Variants in RTEL1 observed in about 807,000 individuals in gnomAD.
The protein encoded by RTEL1 is regulator of telomere elongation helicase 1.
A neutral mutation model predicts 162.2 loss-of-function variants in RTEL1; 86 were observed. That is an observed-to-expected ratio of 0.53 (90% CI 0.45 to 0.63). RTEL1 has a LOEUF of 0.63. Ranked by LOEUF, RTEL1 falls within the 30% of genes least tolerant of loss-of-function variation. RTEL1 has a pLI of 0.00. For synonymous variants in RTEL1, 958 were observed against 717.9 expected (o/e 1.33, Z -5.35); for missense variants, 1,941 against 1,750.2 (o/e 1.11, Z -1.95).
chr20:63,695,228 C>T lies in RTEL1; in HGVS notation c.3499+7C>T, dbSNP rs1228292168. The T allele has an allele frequency of 1.1e-5, 17 of 1,609,774 alleles. No homozygotes were observed. The highest frequency in any genetic ancestry group is 2.2e-5 in the East Asian group (1 of 44,824). Reference sequence around the variant, plus strand: ...CACAGGGCTCCCCAACCAGGTAGGGCACCTGCCTGGCTGCTCCTGGCAGCG... The same window carrying T: ...CACAGGGCTCCCCAACCAGGTAGGGTACCTGCCTGGCTGCTCCTGGCAGCG... On this transcript the variant is annotated splice_region_variant and intron_variant, in intron 33 of 34. Transcript: ENST00000360203.
At position 63,689,567 on chromosome 20, in the gene RTEL1, C is replaced by T. The variant is rs1185104778; in HGVS notation, c.1944C>T (p.Tyr648=). Residue 648 remains tyrosine (Y), a synonymous_variant, in exon 23 of 35, where the codon TAC becomes TAT. Coordinates refer to ENST00000360203, the MANE Select transcript of RTEL1 (RefSeq NM_001283009.2). ...GRGVIVTGLP[Y]PPRMDPRVVL... is the part of the protein sequence containing the mutation. ...GTGTGATTGTCACGGGCCTCCCGTACCCCCCACGCATGGACCCCCGGGTTG... is the reference window on the plus strand; with the variant it reads ...GTGTGATTGTCACGGGCCTCCCGTATCCCCCACGCATGGACCCCCGGGTTG... 5 of 1,611,638 alleles carry T rather than the reference C, an allele frequency of 3.1e-6. No individual in the cohort carries two copies. Among genetic ancestry groups the T allele is most frequent in the African/African-American group, 1.3e-5 (1 of 74,896 alleles).
chr20:63,695,655 G>A lies in RTEL1; in HGVS notation c.3822+5G>A. 6.2e-7 allele frequency: 1 copy of A among 1,611,138 alleles called. No homozygotes were observed. The highest frequency in any genetic ancestry group is 8.5e-7 in the Non-Finnish European group (1 of 1,179,810). On this transcript the variant is annotated splice_donor_5th_base_variant and intron_variant, in intron 34 of 34. Transcript: ENST00000360203. Reference sequence around the variant, plus strand: ...TGCTGGCAACGGCACCTTCAGGTTGGTGCCTGGCCACTACAGTTCCTGCTG... The same window carrying A: ...TGCTGGCAACGGCACCTTCAGGTTGATGCCTGGCCACTACAGTTCCTGCTG...
intron 30 of RTEL1, 147 bp downstream of exon 30, chr20:63,693,430 C>CCACCACCAG (rs1180990015): frequency 7.8e-6 from 7 of 894,598 alleles, no homozygotes; most frequent in Non-Finnish European, 1.2e-5. Flanking sequence ...GCCTCCACCT[C>CCACCACCAG]CACCACCAGC....
chr20:63,685,322 G>A (rs1343309258), intron 14 of RTEL1, among the ~76,000 whole-genome samples: 2 of 152,196 alleles, frequency 1.3e-5, no homozygotes, highest in Non-Finnish European at 2.9e-5. Context: ...GGAACACAGA[G>A]CTCACCGGGG....
At chr20:63,686,491 G>C (rs190016639) in intron 16 of RTEL1, 2 of 152,756 alleles carry the variant, frequency 1.3e-5, no homozygotes, top group East Asian at 1.9e-4. Context: ...GGGGCTTCAC[G>C]GCTGCAGCTG....
chr20:63,694,078 A>C (rs1406740859), intron 30 of RTEL1, among the ~76,000 whole-genome samples: 1 of 151,710 alleles, frequency 6.6e-6, no homozygotes. Flanking sequence ...TGTTGGGACG[A>C]CCCCAGATCC....
chr20:63,674,252 CTG>C, intron 10 of RTEL1, among the ~76,000 whole-genome samples, 159 bp downstream of exon 10: 1 of 151,980 alleles, frequency 6.6e-6, no homozygotes. Flanking sequence ...TGCCCTGTGG[CTG>C]TGTGTGGTCG....
chr20:63,694,315 C>T (rs760383695), intron 30 of RTEL1, 57 bp from the exon 31 acceptor site: 4 of 1,225,472 alleles, frequency 3.3e-6, no homozygotes, highest in Non-Finnish European at 4.8e-6. Flanking sequence ...CCCCCCCACC[C>T]CAGGGAACTT....
chr20:63,684,416 C>T (rs1384264926), intron 14 of RTEL1, among the ~76,000 whole-genome samples: 8 of 152,222 alleles, frequency 5.3e-5, no homozygotes, highest in African/African-American at 9.6e-5. Context: ...TGCAGTGGCG[C>T]GATCTCGGCT....
intron 30 of RTEL1, among the ~76,000 whole-genome samples, chr20:63,694,161 G>A (rs928667257): frequency 6.6e-6 from 1 of 152,084 alleles, no homozygotes; most frequent in Non-Finnish European, 1.5e-5. Flanking sequence ...CCTGAGTGGG[G>A]CTTTGGCCTG....
Position 63,695,595 on chromosome 20 carries a change from A to C in RTEL1, c.3767A>C (p.Gln1256Pro). The C allele has an allele frequency of 1.2e-6, 2 of 1,612,036 alleles. No individual in the cohort carries two copies. The highest frequency in any genetic ancestry group is 1.7e-6 in the Non-Finnish European group (2 of 1,179,884). The change falls in exon 34 of 35, where the codon CAG becomes CCG. Residue 1256 changes from glutamine (Q) to proline (P), a missense_variant. Gln to Pro is a moderately conservative substitution (Grantham distance 76, BLOSUM62 -1). Transcript: ENST00000360203. ...GGGGCAGAGGACGTGGTGCCCTTCC[A>C]GTGCCCTGCCTGTGACTTCCAGCGC... Reference protein sequence around the residue: ...GCGAEDVVPFQCPACDFQRCQ... With the variant: ...GCGAEDVVPFPCPACDFQRCQ...
intron 9 of RTEL1, among the ~76,000 whole-genome samples, chr20:63,672,842 C>G (rs1374832835): frequency 6.6e-6 from 1 of 152,220 alleles, no homozygotes; most frequent in Non-Finnish European, 1.5e-5. Flanking sequence ...ACCTGCCCGT[C>G]AGGCGCAGGG....
At chr20:63,677,589 G>C (rs2090382777) in intron 10 of RTEL1, among the ~76,000 whole-genome samples, 1 of 152,154 alleles carries the variant, frequency 6.6e-6, no homozygotes, top group Admixed American at 6.5e-5. Flanking sequence ...CCCCTGCCTG[G>C]GTGACAGAGT....
chr20:63,682,057 C>G (rs1423899323), intron 14 of RTEL1: 1 of 985,360 alleles, frequency 1.0e-6, no homozygotes. Context: ...CCCTGCAGCC[C>G]AGGGCCTGGA....
At chr20:63,685,957 C>G in intron 16 of RTEL1, 85 bp downstream of exon 16, 1 of 1,317,580 alleles carries the variant, frequency 7.6e-7, no homozygotes, top group Non-Finnish European at 1.1e-6. Flanking sequence ...CATGCCCAGC[C>G]GTGGATCTCC....
In RTEL1 at chr20:63,693,013, C is replaced by T. The variant is rs1312360021; in HGVS notation, c.2851+10C>T. 6.2e-7 allele frequency: 1 copy of T among 1,612,112 alleles called. No homozygotes were observed. Among genetic ancestry groups the T allele is most frequent in the African/African-American group, 1.3e-5 (1 of 74,920 alleles). Reference sequence around the variant, plus strand: ...CACAACCTGCTCCAAGGTGCCCTGGCTTGCAGAGGCCACCCACCCTGAGGG... The same window carrying T: ...CACAACCTGCTCCAAGGTGCCCTGGTTTGCAGAGGCCACCCACCCTGAGGG... On this transcript the variant is annotated intron_variant, in intron 29 of 34. Transcript: ENST00000360203.
chr20:63,658,353 GCGAAA>G lies in RTEL1; in HGVS notation c.-283_-279del, dbSNP rs1477890192. 2 of 152,422 alleles carry G rather than the reference GCGAAA, an allele frequency of 1.3e-5. No homozygotes were observed. Among genetic ancestry groups the G allele is most frequent in the African/African-American group, 4.8e-5 (2 of 41,464 alleles). 9.4% of individuals were successfully genotyped at this position (152,422 alleles called of 1,614,324 possible). On this transcript the variant is annotated 5_prime_UTR_variant, in exon 1 of 35. Coordinates refer to ENST00000360203, the MANE Select transcript of RTEL1 (RefSeq NM_001283009.2). ...CAGCGCCGACTGCGCGCCTCTGCCC[GCGAAA>G]ACTCTGAGCTGGCTGACAGCTGGGG...
In RTEL1 at chr20:63,690,898, C is replaced by G. The variant is rs761063091; in HGVS notation, c.2507C>G (p.Ala836Gly). 6.3e-7 allele frequency: 1 copy of G among 1,582,516 alleles called. No homozygotes were observed. The change falls in exon 27 of 35, where the codon GCC becomes GGC. Residue 836 changes from alanine to glycine, a missense_variant. Physicochemically the swap from Ala to Gly is moderately conservative, Grantham distance 60. Coordinates refer to ENST00000360203, the MANE Select transcript of RTEL1 (RefSeq NM_001283009.2). ...PARQRPRGLL[A>G]ALEHSEQRAG... ...CGGCAGAGGCCCAGGGGGCTGCTGGCCGCCCTGGAGCACAGCGAACAGCGG... is the reference window on the plus strand; with the variant it reads ...CGGCAGAGGCCCAGGGGGCTGCTGGGCGCCCTGGAGCACAGCGAACAGCGG...
chr20:63,691,688 C>A (rs2090748520), intron 27 of RTEL1, 54 bp from the exon 28 acceptor site: 2 of 1,506,662 alleles, frequency 1.3e-6, no homozygotes, highest in Non-Finnish European at 1.8e-6. Flanking sequence ...TGCTTTGGGA[C>A]CCCAGAGTGT....
Sources: gnomAD v4.1 joint callset for allele counts (sites outside exome capture counted in the v4.1 genomes callset) on GRCh38, gnomAD v4.1.1 for gene constraint, MANE v1.5 for transcripts, NCBI Gene and HGNC (gene_info 2026-07-23, HGNC 2026-07-21) for gene names.